FANCL: variants seen among roughly 807,000 people sequenced by gnomAD.
The protein encoded by FANCL is E3 ubiquitin-protein ligase FANCL.
In FANCL, 69 loss-of-function variants were observed where a neutral mutation model predicts 59.4. That is an observed-to-expected ratio of 1.16 (90% confidence interval 0.96 to 1.42). The LOEUF (loss-of-function observed/expected upper bound fraction) is 1.42, where lower values mean the gene tolerates loss of function less well. FANCL is among the 40% of genes most tolerant of loss of function. FANCL has a pLI of 0.00. For synonymous variants in FANCL, 180 were observed against 147.1 expected (o/e 1.22, Z -1.62); for missense variants, 519 against 447.2 (o/e 1.16, Z -1.45).
chr2:58,210,576 A>G (rs1691042648), intron 5 of FANCL, among the ~76,000 whole-genome samples: 1 of 152,142 alleles, frequency 6.6e-6, no homozygotes, highest in Non-Finnish European at 1.5e-5. Context: ...CAAAGTCTTA[A>G]CTTATTTCAT....
rs1693047564 is a variant in FANCL at position 58,226,769 on chromosome 2, G to T, written c.232C>A (p.Pro78Thr). 6.2e-7 allele frequency: 1 copy of T among 1,613,120 alleles called. No individual in the cohort carries two copies. The highest frequency in any genetic ancestry group is 1.3e-5 in the African/African-American group (1 of 74,802). Residue 78 changes from proline (P) to threonine (T), a missense_variant, in exon 4 of 14, where the codon CCT (proline) becomes ACT (threonine). Coordinates refer to ENST00000233741, the MANE Select transcript of FANCL (RefSeq NM_018062.4). ...TCCATCATAAAGCTCATTAGATCAG[G>T]AGAGTGCTGCATTCTCTAGATCAAA... is the stretch of plus-strand genomic sequence containing the variant. ...RIVQQRMQHSPDLMSFMMELK... is the reference protein window; with the variant it reads ...RIVQQRMQHSTDLMSFMMELK...
intron 12 of FANCL, among the ~76,000 whole-genome samples, chr2:58,161,245 C>A (rs1685113632): frequency 6.6e-6 from 1 of 151,828 alleles, no homozygotes; most frequent in South Asian, 2.1e-4. Flanking sequence ...TCCAATGTAC[C>A]ATCAATTTAA....
chr2:58,198,911 C>A (rs1427704114), intron 6 of FANCL, among the ~76,000 whole-genome samples: 1 of 151,774 alleles, frequency 6.6e-6, no homozygotes, highest in Admixed American at 6.6e-5. Context: ...CGCCTGTAGT[C>A]CCAGCTACTT....
intron 7 of FANCL, among the ~76,000 whole-genome samples, chr2:58,180,864 C>T (rs184997403): frequency 6.6e-6 from 1 of 151,648 alleles, no homozygotes; most frequent in Non-Finnish European, 1.5e-5. Flanking sequence ...GAAATCGAAA[C>T]TTTTCAGAAA....
At chr2:58,194,941 A>C (rs1466518926) in intron 7 of FANCL, among the ~76,000 whole-genome samples, 2 of 152,002 alleles carry the variant, frequency 1.3e-5, no homozygotes, top group African/African-American at 4.8e-5. Flanking sequence ...AAAAAAGAAA[A>C]ATAAAGATCT....
chr2:58,231,801 G>GTACA (rs1033145112), intron 2 of FANCL, among the ~76,000 whole-genome samples: 16 of 152,170 alleles, frequency 1.1e-4, no homozygotes, highest in African/African-American at 3.9e-4. Context: ...TTAGTGAAGT[G>GTACA]TACACAATGG....
chr2:58,212,357 G>T (rs1266290804), intron 5 of FANCL, among the ~76,000 whole-genome samples: 2 of 152,066 alleles, frequency 1.3e-5, no homozygotes, highest in African/African-American at 4.8e-5. Context: ...TCTTCCACCG[G>T]GTCCCTCCTG....
At chr2:58,171,746 C>T (rs965181526) in intron 7 of FANCL, among the ~76,000 whole-genome samples, 1 of 152,176 alleles carries the variant, frequency 6.6e-6, no homozygotes, top group African/African-American at 2.4e-5. Flanking sequence ...GAGTGCCAGA[C>T]AGTGGGCGCA....
intron 5 of FANCL, among the ~76,000 whole-genome samples, chr2:58,216,259 T>C (rs768745077): frequency 2.6e-5 from 4 of 152,188 alleles, no homozygotes; most frequent in Admixed American, 6.5e-5. Flanking sequence ...CTGAACCCAC[T>C]TGGGCCCTTT....
chr2:58,230,814 G>A (rs139357658), intron 2 of FANCL, among the ~76,000 whole-genome samples: 182 of 152,196 alleles, frequency 1.2e-3, no homozygotes, highest in Admixed American at 2.9e-3. Context: ...CTTTATTGTG[G>A]TATCCTTAAT....
At chr2:58,170,096 A>C (rs1183339837) in intron 7 of FANCL, among the ~76,000 whole-genome samples, 1 of 152,220 alleles carries the variant, frequency 6.6e-6, no homozygotes, top group African/African-American at 2.4e-5. Context: ...AGATTCATCA[A>C]GGTTGAAATG....
Position 58,159,743 on chromosome 2 carries a change from A to G in FANCL, c.*22T>C, listed in dbSNP as rs750638810. 1.2e-6 allele frequency: 2 copies of G among 1,612,790 alleles called. No individual in the cohort carries two copies. The highest frequency in any genetic ancestry group is 1.7e-5 in the Admixed American group (1 of 59,890). On this transcript the variant is annotated 3_prime_UTR_variant, in exon 14 of 14. Coordinates refer to ENST00000233741, the MANE Select transcript of FANCL (RefSeq NM_018062.4). ...TAATTTTTTAAGTTTCCAGCTCTTC[A>G]CCGAAATGTTGTATTCTTATTTCAG...
chr2:58,180,156 C>T lies in FANCL; in HGVS notation c.541-14282G>A, dbSNP rs1687784620. On this transcript the variant is annotated intron_variant, in intron 7 of 13. Coordinates refer to ENST00000233741, the MANE Select transcript of FANCL (RefSeq NM_018062.4). ...AAATTAGTTCAACCATTGTGGAAGA[C>T]AGTGTGGCGATTCCTCAAGGATCTA... 2.6e-5 allele frequency among the ~76,000 whole-genome samples: 4 copies of T among 152,172 alleles called. No homozygotes were observed. The South Asian group carries it at 8.3e-4, about 32-fold the overall frequency.
At chr2:58,200,040 C>G (rs1024811785) in intron 6 of FANCL, among the ~76,000 whole-genome samples, 2 of 149,154 alleles carry the variant, frequency 1.3e-5, no homozygotes, top group African/African-American at 4.9e-5. Context: ...CTATGTAGAA[C>G]TAATTAACAC....
intron 7 of FANCL, among the ~76,000 whole-genome samples, chr2:58,180,390 TA>T (rs1687812322): frequency 6.6e-6 from 1 of 151,970 alleles, no homozygotes; most frequent in Non-Finnish European, 1.5e-5. Flanking sequence ...TATGCAGCCA[TA>T]AAAAAGGATG....
intron 7 of FANCL, among the ~76,000 whole-genome samples, chr2:58,193,959 T>C (rs1689183073): frequency 6.6e-6 from 1 of 152,106 alleles, no homozygotes; most frequent in Admixed American, 6.6e-5. Context: ...CAAATGCTAG[T>C]ATACTGCTCT....
At chr2:58,181,459 C>T (rs1387671757) in intron 7 of FANCL, among the ~76,000 whole-genome samples, 1 of 151,936 alleles carries the variant, frequency 6.6e-6, no homozygotes, top group Non-Finnish European at 1.5e-5. Context: ...CTGGTGTATC[C>T]ATTTACTGGA....
chr2:58,174,424 T>C (rs963406442), intron 7 of FANCL, among the ~76,000 whole-genome samples: 1 of 151,976 alleles, frequency 6.6e-6, no homozygotes, highest in Non-Finnish European at 1.5e-5. Flanking sequence ...AGATCAGAAA[T>C]CATAACAAAC....
In FANCL at chr2:58,207,911, T is replaced by G. The variant is rs538988105; in HGVS notation, c.375-3685A>C. On this transcript the variant is annotated intron_variant, in intron 5 of 13. Coordinates refer to ENST00000233741, the MANE Select transcript of FANCL (RefSeq NM_018062.4). ...ATCTTTACAAAAATCTTTTTAAAACTAACTCGTCATGGTGGCGTGCACCTG... is the reference window on the plus strand; with the variant it reads ...ATCTTTACAAAAATCTTTTTAAAACGAACTCGTCATGGTGGCGTGCACCTG... Among the ~76,000 whole-genome samples, 4 of 152,264 alleles carry G rather than the reference T, an allele frequency of 2.6e-5. No homozygotes were observed. The South Asian group carries it at 8.3e-4, about 32-fold the overall frequency.
Sources: gnomAD v4.1 joint callset for allele counts (sites outside exome capture counted in the v4.1 genomes callset) on GRCh38, gnomAD v4.1.1 for gene constraint, MANE v1.5 for transcripts, NCBI Gene and HGNC (gene_info 2026-07-23, HGNC 2026-07-21) for gene names.